Variants in PREX1 observed in about 807,000 individuals in gnomAD.
PREX1 encodes phosphatidylinositol-3,4,5-trisphosphate dependent Rac exchange factor 1.
In PREX1, 41 loss-of-function variants were observed where a neutral mutation model predicts 198.3. The observed-to-expected ratio is 0.21, with a 90% CI of 0.16 to 0.27. The LOEUF is 0.27. Among genes scored for constraint, PREX1 ranks in the 10% least tolerant of loss-of-function variants. PREX1 has a pLI of 1.00. For missense variants in PREX1, 1,620 were observed against 2,200.7 expected, an observed-to-expected ratio of 0.74 and a Z score of 5.28; for synonymous variants, 843 against 887.2, an observed-to-expected ratio of 0.95 and a Z score of 0.89.
intron 1 of PREX1, among the ~76,000 whole-genome samples, chr20:48,757,785 G>A (rs867214154): frequency 6.6e-6 from 1 of 152,186 alleles, no homozygotes; most frequent in African/African-American, 2.4e-5. Flanking sequence ...CCTTCCCTGG[G>A]CACATTTCCT....
chr20:48,823,436 T>C, intron 1 of PREX1, among the ~76,000 whole-genome samples: 1 of 152,180 alleles, frequency 6.6e-6, no homozygotes, highest in East Asian at 1.9e-4. Context: ...ACGCAGGTGC[T>C]ACACTGTGCC....
At chr20:48,647,101 G>A (rs1417012099) in intron 25 of PREX1, among the ~76,000 whole-genome samples, 1 of 152,126 alleles carries the variant, frequency 6.6e-6, no homozygotes, top group Non-Finnish European at 1.5e-5. Flanking sequence ...ATGGCGGCAT[G>A]TGCCTGTAGT....
chr20:48,787,567 G>A (rs1368207703), intron 1 of PREX1, among the ~76,000 whole-genome samples: 3 of 149,316 alleles, frequency 2.0e-5, no homozygotes, highest in African/African-American at 7.4e-5. Flanking sequence ...ATGGATTTAT[G>A]TAAGCAGGAC....
At chr20:48,647,097 G>C (rs1345248116) in intron 25 of PREX1, among the ~76,000 whole-genome samples, 6 of 152,222 alleles carry the variant, frequency 3.9e-5, no homozygotes, top group Non-Finnish European at 8.8e-5. Context: ...AGGCATGGCG[G>C]CATGTGCCTG....
At chr20:48,813,023 A>ACAGT (rs1433944579) in intron 1 of PREX1, among the ~76,000 whole-genome samples, 1 of 152,208 alleles carries the variant, frequency 6.6e-6, no homozygotes, top group Non-Finnish European at 1.5e-5. Context: ...AACTGCAAAC[A>ACAGT]CAGTCATACG....
At position 48,641,978 on chromosome 20, in the gene PREX1, C is replaced by A. The variant is rs1354311383; in HGVS notation, c.3775+190G>T. The stretch of plus-strand genomic sequence containing the variant: ...AGGTCAAAAGAAAAAGAAAAAGAAC[C>A]ATTCTTGGCTCAGAGCCTACAAAAA... On this transcript the variant is annotated intron_variant, in intron 29 of 39. Transcript: ENST00000371941. 17 of 511,498 alleles carry A rather than the reference C, an allele frequency of 3.3e-5. No homozygotes were observed. The East Asian group carries it at 5.4e-4, about 16-fold the overall frequency. 31.7% of individuals were successfully genotyped at this position (511,498 alleles called of 1,614,324 possible).
chr20:48,785,276 C>A (rs2090306861), intron 1 of PREX1, among the ~76,000 whole-genome samples: 1 of 152,246 alleles, frequency 6.6e-6, no homozygotes, highest in African/African-American at 2.4e-5. Flanking sequence ...TGTCAGCCTA[C>A]TTCCTGCCTG....
At chr20:48,884,197 C>T in the PREX1 span, among the ~76,000 whole-genome samples, 1 of 150,036 alleles carries the variant, frequency 6.7e-6, no homozygotes, top group African/African-American at 2.5e-5. Flanking sequence ...CCCTAAAATT[C>T]ATGTGGAAAT....
At position 48,723,638 on chromosome 20, in the gene PREX1, G is replaced by A. The variant is rs7274694; in HGVS notation, c.621+2652C>T. On this transcript the variant is annotated intron_variant, in intron 5 of 39. Transcript: ENST00000371941. ...GCGCAAGTGGGCAGAGTAAACAGCC[G>A]TCTGGCCAGGAGAGCAAACCGCAGC... Among the ~76,000 whole-genome samples, 1,063 of 152,270 alleles carry A rather than the reference G, an allele frequency of 7.0e-3. 14 individuals are homozygous for A. Among genetic ancestry groups the A allele is most frequent in the African/African-American group, 0.024 (1,011 of 41,548 alleles).
chr20:48,853,665 C>G, the PREX1 span, among the ~76,000 whole-genome samples: 1 of 152,118 alleles, frequency 6.6e-6, no homozygotes, highest in African/African-American at 2.4e-5. Context: ...ACACACACAT[C>G]CAACGCACAT....
intron 1 of PREX1, among the ~76,000 whole-genome samples, chr20:48,811,989 G>A (rs1261261113): frequency 6.6e-6 from 1 of 152,226 alleles, no homozygotes; most frequent in Non-Finnish European, 1.5e-5. Flanking sequence ...GAACAGCTCG[G>A]TGCCTCAATT....
intron 1 of PREX1, among the ~76,000 whole-genome samples, chr20:48,825,316 C>T (rs1247320905): frequency 2.0e-5 from 3 of 152,098 alleles, no homozygotes; most frequent in Non-Finnish European, 4.4e-5. Context: ...CCGGATTCCC[C>T]GCTCCTTGTT....
chr20:48,735,320 G>T (rs1328075913), intron 3 of PREX1, among the ~76,000 whole-genome samples: 2 of 152,192 alleles, frequency 1.3e-5, no homozygotes, highest in Non-Finnish European at 2.9e-5. Context: ...AGGGATGGGG[G>T]TGTGCAAGAG....
At chr20:48,758,122 T>C (rs2090162913) in intron 1 of PREX1, among the ~76,000 whole-genome samples, 1 of 151,010 alleles carries the variant, frequency 6.6e-6, no homozygotes, top group African/African-American at 2.4e-5. Context: ...AACAGGGAGG[T>C]GGAACCAAGA....
At chr20:48,728,781 T>C (rs2090020629) in intron 4 of PREX1, among the ~76,000 whole-genome samples, 1 of 152,138 alleles carries the variant, frequency 6.6e-6, no homozygotes, top group Non-Finnish European at 1.5e-5. Context: ...CCAAGGACAC[T>C]TCCCCACAAA....
At chr20:48,770,439 A>G (rs1321302890) in intron 1 of PREX1, among the ~76,000 whole-genome samples, 1 of 152,208 alleles carries the variant, frequency 6.6e-6, no homozygotes, top group Non-Finnish European at 1.5e-5. Context: ...AGCCAGGCAC[A>G]GTGGCTCACA....
chr20:48,870,105 A>G, the PREX1 span, among the ~76,000 whole-genome samples: 1 of 152,174 alleles, frequency 6.6e-6, no homozygotes, highest in African/African-American at 2.4e-5. Flanking sequence ...AATTCTCCAA[A>G]TTAGAATTTC....
Position 48,627,591 on chromosome 20 carries a change from T to G in PREX1, c.4894A>C (p.Lys1632Gln), listed in dbSNP as rs1043502753. ...KQGPRVEILA[K>Q]NLRVKDQMPQ... ...ATCTGGTCCTTGACTCGCAGGTTTT[T>G]GGCCAGAATCTCCACCCTTGGGCCC... The change falls in exon 39 of 40, where the codon AAA becomes CAA. Residue 1632 changes from lysine (K) to glutamine (Q), a missense_variant. Lys to Gln is a moderately conservative substitution (Grantham distance 53, BLOSUM62 1). Around this residue, in one of 7 missense-constraint regions of PREX1, gnomAD observed 476 missense variants for 603.4 expected, o/e 0.79. Coordinates refer to ENST00000371941, the MANE Select transcript of PREX1 (RefSeq NM_020820.4). 6.2e-7 allele frequency: 1 copy of G among 1,611,380 alleles called. No individual in the cohort carries two copies. Among genetic ancestry groups the G allele is most frequent in the Non-Finnish European group, 8.5e-7 (1 of 1,179,564 alleles).
chr20:48,709,336 C>T (rs545479527), intron 5 of PREX1, among the ~76,000 whole-genome samples: 19 of 152,330 alleles, frequency 1.2e-4, no homozygotes, highest in Admixed American at 7.2e-4. Context: ...GCTCCCTCGA[C>T]GATCCAGATA....
Sources: gnomAD v4.1 joint callset for allele counts (sites outside exome capture counted in the v4.1 genomes callset) on GRCh38, gnomAD v4.1.1 for gene constraint, gnomAD v4.1.1 regional missense constraint, MANE v1.5 for transcripts, NCBI Gene and HGNC (gene_info 2026-07-23, HGNC 2026-07-21) for gene names.